The following UBE2E2 variants were observed in gnomAD, a reference collection of about 807,000 sequenced individuals.
UBE2E2 encodes ubiquitin-conjugating enzyme E2 E2.
UBE2E2 carries 6 observed loss-of-function variants against 24.7 expected under a neutral mutation model. That is an observed-to-expected ratio of 0.24 (90% CI 0.13 to 0.48). The LOEUF (loss-of-function observed/expected upper bound fraction) is 0.48, where lower values mean the gene tolerates loss of function less well. Among genes scored for constraint, UBE2E2 ranks in the 20% least tolerant of loss-of-function variants. The pLI, the probability that UBE2E2 is intolerant of heterozygous loss-of-function variation, is 0.99. For missense variants in UBE2E2, 169 were observed against 245.0 expected, an observed-to-expected ratio of 0.69 and a Z score of 2.07; for synonymous variants, 104 against 83.6, an observed-to-expected ratio of 1.24 and a Z score of -1.33.
At chr3:23,520,588 C>T (rs1285529874) in intron 4 of UBE2E2, among the ~76,000 whole-genome samples, 3 of 152,054 alleles carry the variant, frequency 2.0e-5, no homozygotes, top group African/African-American at 4.8e-5. Context: ...GGAATTTGGC[C>T]AACTCTATAA....
intron 3 of UBE2E2, among the ~76,000 whole-genome samples, chr3:23,373,463 G>C (rs1696444152): frequency 6.6e-6 from 1 of 152,000 alleles, no homozygotes; most frequent in Admixed American, 6.6e-5. Context: ...TCATCTCCAG[G>C]TGCCAAAGAC....
chr3:23,503,048 G>A (rs558282718), intron 4 of UBE2E2, among the ~76,000 whole-genome samples: 1 of 152,064 alleles, frequency 6.6e-6, no homozygotes, highest in East Asian at 1.9e-4. Flanking sequence ...AACTGCTAGT[G>A]TGTGTAAAAG....
intron 3 of UBE2E2, among the ~76,000 whole-genome samples, chr3:23,302,678 A>C (rs1022556231): frequency 1.3e-5 from 2 of 152,354 alleles, no homozygotes; most frequent in Middle Eastern, 3.4e-3. Flanking sequence ...TGATCATATT[A>C]TTTAACAGCA....
intron 5 of UBE2E2, among the ~76,000 whole-genome samples, chr3:23,553,161 A>G (rs1055136643): frequency 6.6e-6 from 1 of 152,192 alleles, no homozygotes; most frequent in Non-Finnish European, 1.5e-5. Context: ...GATAAAATTA[A>G]TAAATTACTT....
Position 23,214,765 on chromosome 3 carries a change from A to G in UBE2E2, c.177-2497A>G, listed in dbSNP as rs539393700. Among the ~76,000 whole-genome samples, 3 of 152,166 alleles carry G rather than the reference A, an allele frequency of 2.0e-5. 1 individual carries two copies. The highest frequency in any genetic ancestry group is 7.2e-5 in the African/African-American group (3 of 41,548). ...TTAAAAGTTGTTCATGTTTCTGATA[A>G]CAAAGTAAACAGTACATAGATTTTT... On this transcript the variant is annotated intron_variant, in intron 2 of 5. Transcript: ENST00000396703.
At chr3:23,248,153 A>G (rs369552105) in intron 3 of UBE2E2, among the ~76,000 whole-genome samples, 1 of 152,350 alleles carries the variant, frequency 6.6e-6, no homozygotes, top group South Asian at 2.1e-4. Context: ...TCAAAAAAGC[A>G]ATTAGTGTCC....
At position 23,589,594 on chromosome 3, in the gene UBE2E2, T is replaced by G; in HGVS notation, c.509-140T>G. 5.4e-6 allele frequency: 4 copies of G among 740,924 alleles called. No homozygotes were observed. Among genetic ancestry groups the G allele is most frequent in the Non-Finnish European group, 9.0e-6 (4 of 445,280 alleles). The allele number at this position is 740,924 out of a possible 1,614,324, so 45.9% of individuals were successfully genotyped here. A position where few individuals can be genotyped will look rare whatever the true frequency, so the allele number is the denominator to read the frequency against. ...ATGTAGTCTGTCAGCAGCAGGTGAC[T>G]GGCTCAGCCGCAGCAATGGTGGTCC... is the stretch of plus-strand genomic sequence containing the variant. On this transcript the variant is annotated intron_variant, in intron 5 of 5. Transcript: ENST00000396703. This position sits in a 1 kb window ranked among gnomAD's most constrained non-coding sequence, Gnocchi z 4.1.
At chr3:23,395,262 G>C (rs888886639) in intron 3 of UBE2E2, among the ~76,000 whole-genome samples, 1 of 152,188 alleles carries the variant, frequency 6.6e-6, no homozygotes, top group Non-Finnish European at 1.5e-5. Context: ...CTGGATTCTA[G>C]TAAAGTCATT....
chr3:23,468,617 G>C (rs1267012095), intron 3 of UBE2E2, among the ~76,000 whole-genome samples: 1 of 152,216 alleles, frequency 6.6e-6, no homozygotes, highest in Non-Finnish European at 1.5e-5. Context: ...TTCAAATTCT[G>C]TTTCTCTACT....
chr3:23,445,941 C>A (rs752014365), intron 3 of UBE2E2, among the ~76,000 whole-genome samples: 1 of 152,144 alleles, frequency 6.6e-6, no homozygotes, highest in Non-Finnish European at 1.5e-5. Context: ...TTGGTGCTTG[C>A]CAGAGACTCC....
intron 3 of UBE2E2, among the ~76,000 whole-genome samples, chr3:23,289,917 A>G (rs1248654529): frequency 6.6e-6 from 1 of 152,270 alleles, no homozygotes; most frequent in Non-Finnish European, 1.5e-5. Flanking sequence ...ATTAAAAAAT[A>G]TGACCATACT....
intron 3 of UBE2E2, among the ~76,000 whole-genome samples, chr3:23,465,674 G>C (rs749600718): frequency 2.6e-5 from 4 of 152,150 alleles, no homozygotes; most frequent in Non-Finnish European, 5.9e-5. Flanking sequence ...ACAGAACCCT[G>C]TATCTCTAAA....
Position 23,297,414 on chromosome 3 carries a change from C to G in UBE2E2, c.227+80102C>G, listed in dbSNP as rs564924406. Reference sequence around the variant, plus strand: ...CTATGTCCTGAATGGTATTGCCTAGCTTTTCCTCTAGGGTTTTTATGGTTT... The same window carrying G: ...CTATGTCCTGAATGGTATTGCCTAGGTTTTCCTCTAGGGTTTTTATGGTTT... On this transcript the variant is annotated intron_variant, in intron 3 of 5. Coordinates refer to ENST00000396703, the MANE Select transcript of UBE2E2 (RefSeq NM_152653.4). Among the ~76,000 whole-genome samples the G allele has an allele frequency of 6.9e-3, 1,037 of 151,220 alleles. 16 individuals carry two copies. The highest frequency in any genetic ancestry group is 0.023 in the African/African-American group (937 of 40,754).
chr3:23,210,173 G>A (rs981109582), intron 2 of UBE2E2, among the ~76,000 whole-genome samples: 4 of 152,100 alleles, frequency 2.6e-5, no homozygotes, highest in African/African-American at 7.2e-5. Flanking sequence ...GAAGGAAGTC[G>A]ATGTAGGTGG....
At chr3:23,466,834 TG>T (rs1050651535) in intron 3 of UBE2E2, among the ~76,000 whole-genome samples, 3 of 152,110 alleles carry the variant, frequency 2.0e-5, no homozygotes, top group African/African-American at 7.2e-5. Flanking sequence ...CCCACAGTGC[TG>T]GGATTACAGG....
intron 3 of UBE2E2, among the ~76,000 whole-genome samples, chr3:23,266,236 T>C (rs1407434411): frequency 1.3e-5 from 2 of 152,236 alleles, no homozygotes; most frequent in Non-Finnish European, 2.9e-5. Context: ...AGTTTCTTCC[T>C]AGCCTCGATG....
In UBE2E2 at chr3:23,561,649, A is replaced by G. The variant is rs935205245; in HGVS notation, c.509-28085A>G. Among the ~76,000 whole-genome samples the G allele has an allele frequency of 7.3e-5, 11 of 151,584 alleles. No individual in the cohort carries two copies. The South Asian group carries it at 8.4e-4, about 12-fold the overall frequency. ...TTGATGGGGATGGCATTGAATCTAT[A>G]AATTACCTTGGGCAGTGTGGCCATT... is the stretch of plus-strand genomic sequence containing the variant. On this transcript the variant is annotated intron_variant, in intron 5 of 5. Coordinates refer to ENST00000396703, the MANE Select transcript of UBE2E2 (RefSeq NM_152653.4).
At chr3:23,302,604 A>G (rs1321401035) in intron 3 of UBE2E2, among the ~76,000 whole-genome samples, 5 of 152,216 alleles carry the variant, frequency 3.3e-5, no homozygotes, top group African/African-American at 4.8e-5. Flanking sequence ...AGAGCTGGAA[A>G]GTAGTAGGCA....
intron 5 of UBE2E2, among the ~76,000 whole-genome samples, chr3:23,546,945 A>G (rs1695538308): frequency 1.3e-5 from 2 of 152,182 alleles, no homozygotes; most frequent in East Asian, 1.9e-4. Flanking sequence ...CCAGTTATAC[A>G]TGCTTTTTTC....
Sources: allele counts gnomAD v4.1 joint callset (sites outside exome capture counted in the v4.1 genomes callset), GRCh38; gene constraint gnomAD v4.1.1; non-coding constraint Gnocchi (gnomAD v3.1); transcripts MANE v1.5; gene names NCBI Gene and HGNC (gene_info 2026-07-23, HGNC 2026-07-21).